CAPN7: variants seen among roughly 807,000 people sequenced by gnomAD.
CAPN7 encodes the protein calpain 7, also known as calpain-7.
In CAPN7, 72 loss-of-function variants were observed where a neutral mutation model predicts 115.2. The ratio of observed to expected loss-of-function variants is 0.63; its 90% CI spans 0.52 to 0.76. The LOEUF is 0.76. Among genes scored for constraint, CAPN7 ranks in the 30% least tolerant of loss-of-function variants. The pLI is 0.00. For synonymous variants in CAPN7, 344 were observed against 322.3 expected, an observed-to-expected ratio of 1.07 and a Z score of -0.72; for missense variants, 905 against 971.5, an observed-to-expected ratio of 0.93 and a Z score of 0.91.
At chr3:15,231,448 CTT>C (rs1041670926) in intron 9 of CAPN7, among the ~76,000 whole-genome samples, 2 of 151,930 alleles carry the variant, frequency 1.3e-5, no homozygotes, top group Non-Finnish European at 2.9e-5. Context: ...TTCTTGACCT[CTT>C]GTTTAAAGAA....
At chr3:15,228,859 T>G in intron 7 of CAPN7, 115 bp from the exon 8 acceptor site, 1 of 745,936 alleles carries the variant, frequency 1.3e-6, no homozygotes, top group South Asian at 1.9e-5. Context: ...AAAATAGAAG[T>G]TTTAAGAAAA....
At position 15,251,022 on chromosome 3, in the gene CAPN7, A is replaced by G. The variant is rs1158991843; in HGVS notation, c.2296A>G (p.Arg766Gly). The change falls in exon 20 of 21, where the codon AGG becomes GGG. Residue 766 changes from arginine (R) to glycine (G), a missense_variant and splice_region_variant. By Grantham distance (125) the Arg-to-Gly change is moderately radical. This residue lies in a region of CAPN7 where 620 missense variants were observed against 703.4 expected (regional missense o/e 0.88). Transcript: ENST00000253693. ...GFLRKSSGDY[R>G]CGFCYLELEN... ...TCTGAGGAAATCTAGTGGTGACTAT[A>G]GGTAATGTTGGCATTTTTATTGTAT... 4.3e-6 allele frequency: 7 copies of G among 1,610,150 alleles called. No individual in the cohort carries two copies. In the South Asian group the frequency reaches 7.7e-5, roughly 18 times the overall value.
At chr3:15,248,456 C>G (rs1695801279) in intron 19 of CAPN7, among the ~76,000 whole-genome samples, 1 of 152,106 alleles carries the variant, frequency 6.6e-6, no homozygotes, top group African/African-American at 2.4e-5. Flanking sequence ...AACTGAAATA[C>G]TCATGTAAGG....
At chr3:15,238,152 C>T (rs1430688501) in intron 12 of CAPN7, among the ~76,000 whole-genome samples, 1 of 108,930 alleles carries the variant, frequency 9.2e-6, no homozygotes, top group Admixed American at 1.4e-4. Context: ...CTCACTGTGT[C>T]GCCCAGGCTG....
chr3:15,227,679 G>T (rs1439196534), intron 6 of CAPN7, among the ~76,000 whole-genome samples, 160 bp from the exon 7 acceptor site: 1 of 151,790 alleles, frequency 6.6e-6, no homozygotes, highest in African/African-American at 2.4e-5. Context: ...AGGTTGACTG[G>T]ACTCTATAAA....
At chr3:15,247,092 T>A in intron 18 of CAPN7, 1 of 564,618 alleles carries the variant, frequency 1.8e-6, no homozygotes, top group Non-Finnish European at 3.1e-6. Context: ...TAGAGGAAGA[T>A]TCTATGGAAA....
chr3:15,217,303 G>T, intron 2 of CAPN7, 122 bp from the exon 3 acceptor site: 1 of 848,566 alleles, frequency 1.2e-6, no homozygotes, highest in Non-Finnish European at 1.7e-6. Flanking sequence ...TTTTAACCTT[G>T]CTAAGTTTTT....
At chr3:15,222,446 A>G (rs1329784168) in intron 5 of CAPN7, among the ~76,000 whole-genome samples, 1 of 152,190 alleles carries the variant, frequency 6.6e-6, no homozygotes, top group Non-Finnish European at 1.5e-5. Context: ...GTAGGTGTTC[A>G]TCTTTTTATT....
intron 6 of CAPN7, among the ~76,000 whole-genome samples, chr3:15,223,816 TC>T (rs1694143629): frequency 6.6e-6 from 1 of 152,182 alleles, no homozygotes; most frequent in Admixed American, 6.5e-5. Context: ...AAGTAAGTAC[TC>T]CGTAAATATT....
chr3:15,216,154 C>G (rs2045236720), intron 2 of CAPN7, among the ~76,000 whole-genome samples: 1 of 152,078 alleles, frequency 6.6e-6, no homozygotes, highest in East Asian at 1.9e-4. Flanking sequence ...GGAATTCCAC[C>G]CAGAAGTGGA....
chr3:15,228,796 A>G (rs1238003407), intron 7 of CAPN7, among the ~76,000 whole-genome samples, 178 bp from the exon 8 acceptor site: 1 of 152,188 alleles, frequency 6.6e-6, no homozygotes, highest in East Asian at 1.9e-4. Flanking sequence ...TGTACAACAA[A>G]CACCTGTGAC....
chr3:15,245,655 TCC>T lies in CAPN7; in HGVS notation c.1995_1996del (p.His666LeufsTer27). 8 of 1,613,362 alleles carry T rather than the reference TCC, an allele frequency of 5.0e-6. No homozygotes were observed. Among genetic ancestry groups the T allele is most frequent in the Non-Finnish European group, 6.8e-6 (8 of 1,179,722 alleles). On this transcript the variant is annotated frameshift_variant, in exon 17 of 21. Coordinates refer to ENST00000253693, the MANE Select transcript of CAPN7 (RefSeq NM_014296.3). LOFTEE classifies it high-confidence loss of function. ...TCTCAATATGAAAAACAGAACACAA[TCC>T]ATTACACGGTTCGGGTAAGTAAAAC...
At chr3:15,249,727 C>T (rs1290508615) in intron 19 of CAPN7, among the ~76,000 whole-genome samples, 1 of 151,966 alleles carries the variant, frequency 6.6e-6, no homozygotes, top group Non-Finnish European at 1.5e-5. Context: ...GGCTTTCTTT[C>T]CTGTCCCATA....
chr3:15,223,204 T>C (rs956113194), intron 5 of CAPN7, among the ~76,000 whole-genome samples: 2 of 152,236 alleles, frequency 1.3e-5, no homozygotes, highest in Non-Finnish European at 2.9e-5. Context: ...TGTCTTGGTG[T>C]CAAGGACACT....
intron 15 of CAPN7, 60 bp downstream of exon 15, chr3:15,241,648 T>C: frequency 6.9e-7 from 1 of 1,449,250 alleles, no homozygotes; most frequent in South Asian, 1.3e-5. Flanking sequence ...GTTAGAACAT[T>C]GTGAAAGACA....
intron 12 of CAPN7, among the ~76,000 whole-genome samples, chr3:15,236,433 T>C (rs1694996252): frequency 6.6e-6 from 1 of 152,232 alleles, no homozygotes; most frequent in Non-Finnish European, 1.5e-5. Flanking sequence ...TATTTCTTAA[T>C]GAAGGACCCT....
chr3:15,222,940 A>G (rs1694088481), intron 5 of CAPN7, among the ~76,000 whole-genome samples: 2 of 152,236 alleles, frequency 1.3e-5, no homozygotes, highest in Admixed American at 6.5e-5. Flanking sequence ...CAAGAAGGAA[A>G]TAGTTAATAT....
At chr3:15,222,024 CGT>C (rs955324306) in intron 5 of CAPN7, among the ~76,000 whole-genome samples, 5 of 145,924 alleles carry the variant, frequency 3.4e-5, no homozygotes, top group Non-Finnish European at 7.4e-5. Flanking sequence ...TATACGTATA[CGT>C]ATATATATAT....
chr3:15,227,314 T>A (rs1324476664), intron 6 of CAPN7, among the ~76,000 whole-genome samples: 1 of 152,180 alleles, frequency 6.6e-6, no homozygotes, highest in African/African-American at 2.4e-5. Flanking sequence ...TTAATCACTT[T>A]AAGCTATTTC....
Sources: gnomAD v4.1 joint callset for allele counts (sites outside exome capture counted in the v4.1 genomes callset) on GRCh38, gnomAD v4.1.1 for gene constraint, gnomAD v4.1.1 regional missense constraint, MANE v1.5 for transcripts, NCBI Gene and HGNC (gene_info 2026-07-23, HGNC 2026-07-21) for gene names.